Variants in ESF1 observed in about 807,000 individuals in gnomAD.
The protein encoded by ESF1 is ESF1 homolog.
In ESF1, 58 loss-of-function variants were observed where a neutral mutation model predicts 92.0. The ratio of observed to expected loss-of-function variants is 0.63; its 90% CI spans 0.51 to 0.78. The LOEUF is 0.78. Ranked by LOEUF, ESF1 falls within the 30% of genes least tolerant of loss-of-function variation. The pLI is 0.00. For missense variants in ESF1, 922 were observed against 989.1 expected, an observed-to-expected ratio of 0.93 and a Z score of 0.91; for synonymous variants, 321 against 313.7, an observed-to-expected ratio of 1.02 and a Z score of -0.24.
Position 13,759,871 on chromosome 20 carries a change from CACTT to C in ESF1, c.1667-22_1667-19del. 6.4e-7 allele frequency: 1 copy of C among 1,570,164 alleles called. No homozygotes were observed. The highest frequency in any genetic ancestry group is 8.6e-7 in the Non-Finnish European group (1 of 1,167,178). ...ATCATCACCTAATGAAAAAAAAATT[CACTT>C]AATACACAGAAACAATTCATTTCTA... is the stretch of plus-strand genomic sequence containing the variant. On this transcript the variant is annotated intron_variant, in intron 8 of 13. Transcript: ENST00000617257.
At chr20:13,735,065 T>C (rs2049967615) in intron 9 of ESF1, among the ~76,000 whole-genome samples, 1 of 152,124 alleles carries the variant, frequency 6.6e-6, no homozygotes, top group Non-Finnish European at 1.5e-5. Context: ...GTTCCTTATC[T>C]GCAAAATGAA....
At chr20:13,781,148 C>A (rs1303585862) in intron 2 of ESF1, among the ~76,000 whole-genome samples, 1 of 152,130 alleles carries the variant, frequency 6.6e-6, no homozygotes, top group African/African-American at 2.4e-5. Context: ...ACTATTATTG[C>A]ATTTTGTATT....
rs1434955632 is a variant in ESF1 at position 13,781,366 on chromosome 20, G to A, written c.637+1138C>T. ...TATTGAAATAATTTTGATATATTGG[G>A]TTACATAAAATATATTATTTAAAAT... On this transcript the variant is annotated intron_variant, in intron 2 of 13. Coordinates refer to ENST00000617257, the MANE Select transcript of ESF1 (RefSeq NM_001276380.2). 4.6e-5 allele frequency among the ~76,000 whole-genome samples: 7 copies of A among 152,160 alleles called. No homozygotes were observed. In the South Asian group the frequency reaches 1.5e-3, roughly 32 times the overall value.
At chr20:13,739,247 GTC>G (rs1024023485) in intron 9 of ESF1, among the ~76,000 whole-genome samples, 9 of 152,018 alleles carry the variant, frequency 5.9e-5, no homozygotes, top group African/African-American at 2.2e-4. Context: ...CTTTACATTT[GTC>G]TTGAATTTGA....
intron 11 of ESF1, among the ~76,000 whole-genome samples, chr20:13,727,226 G>A (rs1227600934): frequency 1.3e-5 from 2 of 152,160 alleles, no homozygotes; most frequent in Admixed American, 6.5e-5. Context: ...CAGAGGATAA[G>A]GCTAAAATCC....
chr20:13,780,931 A>C (rs944786468), intron 2 of ESF1, among the ~76,000 whole-genome samples: 1 of 152,206 alleles, frequency 6.6e-6, no homozygotes, highest in African/African-American at 2.4e-5. Context: ...TATCTAATCA[A>C]ACGGGACTAC....
At chr20:13,775,031 AATTGG>A (rs1431490752) in intron 4 of ESF1, 121 bp downstream of exon 4, 2 of 607,578 alleles carry the variant, frequency 3.3e-6, no homozygotes, top group African/African-American at 3.7e-5. Flanking sequence ...TTTCACACTC[AATTGG>A]ATTGGACAAC....
intron 9 of ESF1, among the ~76,000 whole-genome samples, chr20:13,758,835 T>C (rs926187264): frequency 6.6e-6 from 1 of 152,130 alleles, no homozygotes; most frequent in African/African-American, 2.4e-5. Flanking sequence ...TTGAAAAAAA[T>C]GTGTACAGTA....
At chr20:13,749,255 T>TTC (rs1186445615) in intron 9 of ESF1, among the ~76,000 whole-genome samples, 39 of 146,104 alleles carry the variant, frequency 2.7e-4, no homozygotes, top group Non-Finnish European at 4.5e-4. Flanking sequence ...TTTTTTTTTT[T>TTC]TTTGTATTTT....
chr20:13,741,707 T>C (rs966894825), intron 9 of ESF1, among the ~76,000 whole-genome samples: 2 of 152,188 alleles, frequency 1.3e-5, no homozygotes, highest in Admixed American at 1.3e-4. Flanking sequence ...AACATTCTTC[T>C]CATCTGGACA....
At chr20:13,768,990 T>A (rs1979561516) in intron 7 of ESF1, among the ~76,000 whole-genome samples, 1 of 152,296 alleles carries the variant, frequency 6.6e-6, no homozygotes, top group South Asian at 2.1e-4. Context: ...TGGCTATTTG[T>A]TACTAAGCAT....
intron 8 of ESF1, among the ~76,000 whole-genome samples, chr20:13,760,634 C>T (rs1051802648): frequency 2.0e-5 from 3 of 152,004 alleles, no homozygotes; most frequent in African/African-American, 7.2e-5. Flanking sequence ...AGCGTCTCCG[C>T]CCGGCAGCCG....
intron 8 of ESF1, among the ~76,000 whole-genome samples, chr20:13,764,046 A>AAATGG (rs1348781651): frequency 6.6e-6 from 1 of 152,248 alleles, no homozygotes; most frequent in Non-Finnish European, 1.5e-5. Flanking sequence ...TTATGGTCAT[A>AAATGG]CTAAAGAAGC....
At chr20:13,765,647 C>A (rs1002866693) in intron 8 of ESF1, among the ~76,000 whole-genome samples, 1 of 152,166 alleles carries the variant, frequency 6.6e-6, no homozygotes, top group Non-Finnish European at 1.5e-5. Context: ...GGGATATACT[C>A]CCAGGGAAAT....
intron 9 of ESF1, among the ~76,000 whole-genome samples, chr20:13,742,737 A>G (rs771915482): frequency 1.2e-4 from 19 of 152,218 alleles, no homozygotes; most frequent in Non-Finnish European, 2.4e-4. Flanking sequence ...AAAAAAAATC[A>G]GTCCCAAAAT....
intron 4 of ESF1, among the ~76,000 whole-genome samples, chr20:13,773,413 A>C (rs1254635680): frequency 6.6e-6 from 1 of 152,090 alleles, no homozygotes; most frequent in Non-Finnish European, 1.5e-5. Context: ...CTCTTTTCTA[A>C]GTCTAGAAAT....
At chr20:13,780,905 C>A (rs983383610) in intron 2 of ESF1, among the ~76,000 whole-genome samples, 2 of 152,210 alleles carry the variant, frequency 1.3e-5, no homozygotes, top group African/African-American at 4.8e-5. Flanking sequence ...CTCATTTTGG[C>A]CCTTCAAGAC....
intron 11 of ESF1, 81 bp downstream of exon 11, chr20:13,728,295 GAA>G: frequency 1.9e-6 from 2 of 1,030,036 alleles, no homozygotes; most frequent in Non-Finnish European, 1.4e-6. Context: ...AATTTTAAAA[GAA>G]TGATTAGTTT....
intron 9 of ESF1, among the ~76,000 whole-genome samples, chr20:13,742,380 G>C (rs2050019301): frequency 6.6e-6 from 1 of 152,086 alleles, no homozygotes; most frequent in African/African-American, 2.4e-5. Context: ...GGCTGAGGCA[G>C]GAGAATTGCT....
Sources: gnomAD v4.1 joint callset for allele counts (sites outside exome capture counted in the v4.1 genomes callset) on GRCh38, gnomAD v4.1.1 for gene constraint, MANE v1.5 for transcripts, NCBI Gene and HGNC (gene_info 2026-07-23, HGNC 2026-07-21) for gene names.